G6PD: variants seen among roughly 807,000 people sequenced by gnomAD.
The protein encoded by G6PD is glucose-6-phosphate 1-dehydrogenase.
A neutral mutation model predicts 38.2 loss-of-function variants in G6PD; 2 were observed. The observed-to-expected ratio is 0.05, with a 90% confidence interval of 0.02 to 0.16. The LOEUF (loss-of-function observed/expected upper bound fraction) is 0.16. Among genes scored for constraint, G6PD ranks in the 10% least tolerant of loss-of-function variants. The pLI, the probability that G6PD is intolerant of heterozygous loss-of-function variation, is 1.00. For synonymous variants in G6PD, 188 were observed against 196.0 expected, an observed-to-expected ratio of 0.96 and a Z score of 0.34; for missense variants, 310 against 471.6, an observed-to-expected ratio of 0.66 and a Z score of 3.17.
In G6PD at chrX:154,532,995, G is replaced by C; in HGVS notation, c.998C>G (p.Thr333Ser). Residue 333 changes from threonine to serine, a missense_variant, in exon 9 of 13, where the codon ACC becomes AGC. By Grantham distance (58) the Thr-to-Ser change is moderately conservative. Coordinates refer to ENST00000393562, the MANE Select transcript of G6PD (RefSeq NM_001360016.2). ...LDDPTVPRGS[T>S]TATFAAVVLY... is the part of the protein sequence containing the mutation. ...GACGACGGCTGCAAAAGTGGCGGTGGTGGACCCGCGGGGCACCGTGGGGTC... is the reference window on the plus strand; with the variant it reads ...GACGACGGCTGCAAAAGTGGCGGTGCTGGACCCGCGGGGCACCGTGGGGTC... 4 of 1,212,176 alleles carry C rather than the reference G, an allele frequency of 3.3e-6. No individual in the cohort carries two copies. The highest frequency in any genetic ancestry group is 4.5e-6 in the Non-Finnish European group (4 of 895,530).
At chrX:154,542,316 C>T (rs781937245) in intron 2 of G6PD, 45 of 1,181,684 alleles carry the variant, frequency 3.8e-5, no homozygotes, top group Middle Eastern at 2.3e-4. Flanking sequence ...GTGAGGACCC[C>T]GCAGACTATC....
At chrX:154,533,729 G>A in intron 7 of G6PD, 60 bp from the exon 8 acceptor site, 2 of 1,203,183 alleles carry the variant, frequency 1.7e-6, no homozygotes, top group Non-Finnish European at 2.2e-6. Context: ...CTGGTTCAAG[G>A]GCATGGGGAC....
rs1040534131 is a variant in G6PD at position 154,542,511 on chromosome X, C to A, written c.120+3525G>T. ...GGAGTCCTGAGAAGGCAGGAAGTGG[C>A]CCACTTGGTAACTCTGAGGTGCCAT... On this transcript the variant is annotated intron_variant, in intron 2 of 12. Transcript: ENST00000393562. 8 of 1,121,572 alleles carry A rather than the reference C, an allele frequency of 7.1e-6. No homozygotes were observed. In the African/African-American group the frequency reaches 7.5e-5, roughly 11 times the overall value. The allele number at this position is 1,121,572 out of a possible 1,213,427, so 92.4% of individuals were successfully genotyped here. A position where few individuals can be genotyped will look rare whatever the true frequency, so the allele number is the denominator to read the frequency against.
chrX:154,546,673 C>T (rs1192071593), intron 1 of G6PD, 116 bp downstream of exon 1: 16 of 611,795 alleles, frequency 2.6e-5, no homozygotes, highest in Non-Finnish European at 4.0e-5. Context: ...TTGGTTAAGA[C>T]CCTCTCGATT....
intron 2 of G6PD, among the ~76,000 whole-genome samples, chrX:154,542,033 G>C (rs1209802513): frequency 8.9e-6 from 1 of 112,152 alleles, no homozygotes; most frequent in African/African-American, 3.2e-5. Flanking sequence ...GGGGGCTGCT[G>C]AGTTAGTTCA....
intron 2 of G6PD, chrX:154,542,537 CAGGGCCCCCA>C (rs2070544842): frequency 9.5e-7 from 1 of 1,049,541 alleles, no homozygotes; most frequent in Non-Finnish European, 1.3e-6. Flanking sequence ...GAGGTGCCAT[CAGGGCCCCCA>C]GGAAGGAAGC....
At chrX:154,547,205 G>A (rs12847690), upstream of G6PD, 1 of 439,167 alleles carries the variant, frequency 2.3e-6, no homozygotes, top group Non-Finnish European at 2.8e-6. Flanking sequence ...CGCTCGCGGA[G>A]GGCTCCACTT....
chrX:154,540,024 G>A (rs2070462768), intron 2 of G6PD, among the ~76,000 whole-genome samples: 1 of 109,882 alleles, frequency 9.1e-6, no homozygotes, highest in Middle Eastern at 4.8e-3. Flanking sequence ...GCCGGCCCAT[G>A]ACATATATTT....
upstream of G6PD, chrX:154,547,536 G>A (rs868927346): frequency 2.9e-5 from 22 of 754,005 alleles, no homozygotes; most frequent in South Asian, 5.4e-4. Flanking sequence ...CGGCCCTACC[G>A]CGGCCTCACA....
chrX:154,535,890 G>C (rs1557230736), intron 4 of G6PD, 47 bp downstream of exon 4: 1 of 1,072,793 alleles, frequency 9.3e-7, no homozygotes, highest in African/African-American at 1.8e-5. Flanking sequence ...GCTGGGGGCT[G>C]GTAGAGAGGG....
At chrX:154,536,241 C>A in intron 2 of G6PD, 63 bp from the exon 3 acceptor site, 1 of 1,077,542 alleles carries the variant, frequency 9.3e-7, no homozygotes. Flanking sequence ...CATACATCAT[C>A]CTCCACCCTT....
At chrX:154,537,716 C>T (rs1569556282) in intron 2 of G6PD, among the ~76,000 whole-genome samples, 1 of 112,396 alleles carries the variant, frequency 8.9e-6, no homozygotes, top group South Asian at 3.6e-4. Context: ...CCAGTGGGTT[C>T]TACCAAAATG....
chrX:154,541,606 C>T (rs1375408795), intron 2 of G6PD, among the ~76,000 whole-genome samples: 4 of 111,782 alleles, frequency 3.6e-5, no homozygotes, highest in Admixed American at 9.5e-5. Flanking sequence ...TCTACTCGTG[C>T]CATGTGGGTG....
At position 154,535,162 on chromosome X, in the gene G6PD, C is replaced by G. The variant is rs1557230563; in HGVS notation, c.485+6G>C. The G allele has an allele frequency of 8.3e-7, 1 of 1,208,886 alleles. No homozygotes were observed. The highest frequency in any genetic ancestry group is 1.1e-6 in the Non-Finnish European group (1 of 893,905). ...GGCGGGAAGGGAGGGCAACGGCAAG[C>G]CTTACATCTGGCTCATGCAGGACTC... On this transcript the variant is annotated splice_donor_region_variant and intron_variant, in intron 5 of 12. Transcript: ENST00000393562.
Position 154,535,391 on chromosome X carries a change from A to G in G6PD, c.268-6T>C, listed in dbSNP as rs2070396186. ...AGCTTCTCCTCTGGGGTGGCCTGGG[A>G]GACACGGACAGACAGACACACAGAC... On this transcript the variant is annotated splice_polypyrimidine_tract_variant and splice_region_variant and intron_variant, in intron 4 of 12. Transcript: ENST00000393562. 5 of 1,188,713 alleles carry G rather than the reference A, an allele frequency of 4.2e-6. No homozygotes were observed. In the South Asian group the frequency reaches 7.2e-5, roughly 17 times the overall value.
chrX:154,540,509 G>C (rs2070474453), intron 2 of G6PD, among the ~76,000 whole-genome samples: 1 of 108,461 alleles, frequency 9.2e-6, no homozygotes, highest in African/African-American at 3.4e-5. Context: ...GTGGTGGCAG[G>C]CACCTGGAAT....
At chrX:154,532,867 C>T in intron 9 of G6PD, 65 bp from the exon 10 acceptor site, 5 of 1,205,188 alleles carry the variant, frequency 4.1e-6, no homozygotes, top group Non-Finnish European at 3.4e-6. Context: ...GCGTGAGTGT[C>T]TCAGTGGGAG....
rs1330066266 is a variant in G6PD at position 154,546,813 on chromosome X, C to T, written c.-33G>A. 22 of 1,163,058 alleles carry T rather than the reference C, an allele frequency of 1.9e-5. No individual in the cohort carries two copies. The highest frequency in any genetic ancestry group is 2.5e-5 in the Non-Finnish European group (22 of 873,462). ...CCTGCGCTTCGTCGTCGTCGCCCTCCGCGCTCGCAGCCCCGAAGTGTACGA... is the reference window on the plus strand; with the variant it reads ...CCTGCGCTTCGTCGTCGTCGCCCTCTGCGCTCGCAGCCCCGAAGTGTACGA... On this transcript the variant is annotated 5_prime_UTR_variant, in exon 1 of 13. Coordinates refer to ENST00000393562, the MANE Select transcript of G6PD (RefSeq NM_001360016.2).
At position 154,535,802 on chromosome X, in the gene G6PD, C is replaced by A. The variant is rs1193875753; in HGVS notation, c.267+135G>T. 5 of 544,398 alleles carry A rather than the reference C, an allele frequency of 9.2e-6. No homozygotes were observed. The African/African-American group carries it at 9.3e-5, about 10-fold the overall frequency. The allele number at this position is 544,398 out of a possible 1,213,427, so 44.9% of individuals were successfully genotyped here. The stretch of plus-strand genomic sequence containing the variant: ...TGGTAATGGGGGTCTCAAGGAAGTA[C>A]GAGAGCAGGCGGGGCGGGGCAGGAG... On this transcript the variant is annotated intron_variant, in intron 4 of 12. Coordinates refer to ENST00000393562, the MANE Select transcript of G6PD (RefSeq NM_001360016.2).
Sources: gnomAD v4.1 joint callset for allele counts (sites outside exome capture counted in the v4.1 genomes callset) on GRCh38, gnomAD v4.1.1 for gene constraint, MANE v1.5 for transcripts, NCBI Gene and HGNC (gene_info 2026-07-23, HGNC 2026-07-21) for gene names.